Variants in FAM200B observed in about 807,000 individuals in gnomAD.
FAM200B encodes the protein protein FAM200B.
A neutral mutation model predicts 33.1 loss-of-function variants in FAM200B; 32 were observed. That is an observed-to-expected ratio of 0.97 (90% confidence interval 0.73 to 1.30). The LOEUF is 1.30. Ranked by LOEUF, FAM200B falls within the 50% of genes most tolerant of loss-of-function variation. FAM200B has a pLI of 0.00. For missense variants in FAM200B, 741 were observed against 754.0 expected, an observed-to-expected ratio of 0.98 and a Z score of 0.20; for synonymous variants, 240 against 264.8, an observed-to-expected ratio of 0.91 and a Z score of 0.91.
At position 15,690,334 on chromosome 4, in the gene FAM200B, C is replaced by T. The variant is rs762582729; in HGVS notation, c.*1383C>T. ...TTAAAATCATACAGGATAGTAATTC[C>T]TTTCCATCTGCTACCATGCCTAGCC... On this transcript the variant is annotated 3_prime_UTR_variant, in exon 2 of 2. Coordinates refer to ENST00000422728, the MANE Select transcript of FAM200B (RefSeq NM_001145191.2). 6.0e-6 allele frequency: 1 copy of T among 166,966 alleles called. No individual in the cohort carries two copies. The highest frequency in any genetic ancestry group is 1.5e-5 in the Non-Finnish European group (1 of 68,098). 10.3% of individuals were successfully genotyped at this position (166,966 alleles called of 1,614,324 possible).
Position 15,688,895 on chromosome 4 carries a change from T to A in FAM200B, c.1918T>A (p.Ser640Thr). The A allele has an allele frequency of 6.5e-7, 1 of 1,548,448 alleles. No individual in the cohort carries two copies. The highest frequency in any genetic ancestry group is 8.7e-7 in the Non-Finnish European group (1 of 1,145,112). Residue 640 changes from serine to threonine, a missense_variant, in exon 2 of 2, where the codon TCT (serine) becomes ACT (threonine). Physicochemically the swap from Ser to Thr is moderately conservative, Grantham distance 58. Coordinates refer to ENST00000422728, the MANE Select transcript of FAM200B (RefSeq NM_001145191.2). The stretch of plus-strand genomic sequence containing the variant: ...TGCAGCAGTTATGCGGGTAGCATTA[T>A]CTTCCTGTGTTCCAGACTGGAATGA... Reference protein sequence around the residue: ...NCAAVMRVALSSCVPDWNELM... With the variant: ...NCAAVMRVALTSCVPDWNELM...
intron 1 of FAM200B, among the ~76,000 whole-genome samples, chr4:15,685,569 G>A (rs1577539994): frequency 6.6e-6 from 1 of 152,088 alleles, no homozygotes; most frequent in East Asian, 1.9e-4. Context: ...TTCTGGATTG[G>A]TTAGTTTGCA....
At chr4:15,673,596 C>T in the FAM200B span, among the ~76,000 whole-genome samples, 8 of 152,164 alleles carry the variant, frequency 5.3e-5, no homozygotes, top group African/African-American at 1.9e-4. Flanking sequence ...TATCATTGAA[C>T]AAAATGTCTT....
the FAM200B span, chr4:15,656,397 ATTG>A: frequency 4.2e-5 from 18 of 425,348 alleles, no homozygotes; most frequent in African/African-American, 2.3e-4. Context: ...CTTGGGAGGA[ATTG>A]TTATTTGCTT....
the FAM200B span, among the ~76,000 whole-genome samples, chr4:15,666,024 A>T: frequency 0.4 from 39,407 of 99,612 alleles, 5,205 homozygotes; most frequent in East Asian, 0.52. Context: ...ACCTTTTTTT[A>T]AAAAAAAAAA....
At chr4:15,647,257 GA>G in the FAM200B span, among the ~76,000 whole-genome samples, 27 of 59,108 alleles carry the variant, frequency 4.6e-4, no homozygotes, top group African/African-American at 1.6e-3. Context: ...AGAAAATGTT[GA>G]AAAAAATAAA....
chr4:15,668,260 A>T, the FAM200B span, among the ~76,000 whole-genome samples: 1 of 151,182 alleles, frequency 6.6e-6, no homozygotes, highest in African/African-American at 2.4e-5. Flanking sequence ...GGTATTTTCA[A>T]ATTTATAACT....
At chr4:15,646,489 T>A in the FAM200B span, among the ~76,000 whole-genome samples, 1 of 149,774 alleles carries the variant, frequency 6.7e-6, no homozygotes, top group Non-Finnish European at 1.5e-5. Context: ...AACTTAAAAA[T>A]AGCCTTAGTA....
At chr4:15,680,560 C>A (rs577489063), upstream of FAM200B, among the ~76,000 whole-genome samples, 1 of 152,044 alleles carries the variant, frequency 6.6e-6, no homozygotes, top group East Asian at 1.9e-4. Context: ...GCCTGTAATC[C>A]CAGCTACTCG....
At chr4:15,638,361 TA>T in the FAM200B span, 10 of 489,914 alleles carry the variant, frequency 2.0e-5, no homozygotes, top group Non-Finnish European at 3.5e-5. Context: ...CGTCTTCAAT[TA>T]AATTGATACA....
At chr4:15,663,217 T>C in the FAM200B span, among the ~76,000 whole-genome samples, 1 of 152,222 alleles carries the variant, frequency 6.6e-6, no homozygotes, top group Non-Finnish European at 1.5e-5. Context: ...GGTAATATTA[T>C]ACATTGATAA....
the FAM200B span, among the ~76,000 whole-genome samples, chr4:15,653,721 A>AT: frequency 6.6e-6 from 1 of 152,170 alleles, no homozygotes. Flanking sequence ...TAAAAACACT[A>AT]TAATACTGCT....
chr4:15,680,782 T>TA (rs2148842251), upstream of FAM200B, among the ~76,000 whole-genome samples: 1 of 151,956 alleles, frequency 6.6e-6, no homozygotes, highest in Non-Finnish European at 1.5e-5. Context: ...GCTGATAAAG[T>TA]CGCATTAAGT....
chr4:15,669,954 A>T, the FAM200B span, among the ~76,000 whole-genome samples: 1 of 152,218 alleles, frequency 6.6e-6, no homozygotes, highest in South Asian at 2.1e-4. Flanking sequence ...TGCTCCTGAA[A>T]TTTTGCAACA....
At chr4:15,655,229 T>C in the FAM200B span, 1 of 1,437,218 alleles carries the variant, frequency 7.0e-7, no homozygotes. Context: ...CCCCACCAGC[T>C]GCTTCATCCG....
At chr4:15,647,505 G>A in the FAM200B span, among the ~76,000 whole-genome samples, 9 of 152,124 alleles carry the variant, frequency 5.9e-5, no homozygotes, top group African/African-American at 2.2e-4. Flanking sequence ...AGACTGTAAT[G>A]CCCTAACATG....
At chr4:15,660,076 C>G in the FAM200B span, among the ~76,000 whole-genome samples, 1 of 151,824 alleles carries the variant, frequency 6.6e-6, no homozygotes, top group African/African-American at 2.4e-5. Flanking sequence ...CCTCCCTACC[C>G]CTGACATTTT....
chr4:15,663,863 G>A, the FAM200B span, among the ~76,000 whole-genome samples: 5 of 152,092 alleles, frequency 3.3e-5, no homozygotes, highest in African/African-American at 1.2e-4. Flanking sequence ...TTTCATCACT[G>A]TTCATTGACT....
upstream of FAM200B, among the ~76,000 whole-genome samples, chr4:15,681,126 T>G (rs1718242038): frequency 6.6e-6 from 1 of 152,080 alleles, no homozygotes; most frequent in African/African-American, 2.4e-5. Flanking sequence ...TGAAATGCAG[T>G]TTTATGTTAA....
Sources: gnomAD v4.1 joint callset for allele counts (sites outside exome capture counted in the v4.1 genomes callset) on GRCh38, gnomAD v4.1.1 for gene constraint, MANE v1.5 for transcripts, NCBI Gene and HGNC (gene_info 2026-07-23, HGNC 2026-07-21) for gene names.